The following SLC44A1 variants were observed in gnomAD, a reference collection of about 807,000 sequenced individuals.
SLC44A1 encodes solute carrier family 44 member 1.
SLC44A1 carries 26 observed loss-of-function variants against 79.3 expected under a neutral mutation model. The ratio of observed to expected loss-of-function variants is 0.33; its 90% CI spans 0.24 to 0.46. The LOEUF (loss-of-function observed/expected upper bound fraction) is 0.46, where lower values mean the gene tolerates loss of function less well. Ranked by LOEUF, SLC44A1 falls within the 20% of genes least tolerant of loss-of-function variation. SLC44A1 has a pLI of 1.00. For missense variants in SLC44A1, 688 were observed against 798.1 expected (o/e 0.86, Z 1.66); for synonymous variants, 263 against 286.2 (o/e 0.92, Z 0.82).
intron 15 of SLC44A1, among the ~76,000 whole-genome samples, chr9:105,403,365 G>A (rs1440018151): frequency 6.6e-6 from 1 of 151,836 alleles, no homozygotes; most frequent in Non-Finnish European, 1.5e-5. Flanking sequence ...TCTTAAATTG[G>A]GATTTGGGGA....
chr9:105,321,654 C>G (rs866515266), intron 3 of SLC44A1, among the ~76,000 whole-genome samples: 2 of 151,940 alleles, frequency 1.3e-5, no homozygotes, highest in African/African-American at 2.4e-5. Flanking sequence ...TGAAATGAGG[C>G]GCTTAAATTA....
Position 105,394,971 on chromosome 9 carries a change from G to A in SLC44A1, c.*5915G>A. The A allele has an allele frequency of 1.0e-6, 1 of 985,296 alleles. No individual in the cohort carries two copies. Among genetic ancestry groups the A allele is most frequent in the Non-Finnish European group, 1.2e-6 (1 of 829,876 alleles). 61.0% of individuals were successfully genotyped at this position (985,296 alleles called of 1,614,324 possible). A position where few individuals can be genotyped will look rare whatever the true frequency, so the allele number is the denominator to read the frequency against. ...TCTTCACATCTGCACCTTACTATTA[G>A]GTAAGGGTGCTGCATCTACATGGAA... On this transcript the variant is annotated 3_prime_UTR_variant, in exon 16 of 16. Transcript: ENST00000374720.
chr9:105,351,598 GAAA>G (rs1564452758), intron 5 of SLC44A1, among the ~76,000 whole-genome samples: 98 of 90,776 alleles, frequency 1.1e-3, no homozygotes, highest in Non-Finnish European at 1.1e-3. Context: ...GAGAGAAAGA[GAAA>G]GAAAGAAAGA....
chr9:105,352,870 TG>T (rs1184177703), intron 5 of SLC44A1, among the ~76,000 whole-genome samples: 1 of 152,170 alleles, frequency 6.6e-6, no homozygotes, highest in Non-Finnish European at 1.5e-5. Context: ...AGAAAACAAT[TG>T]AAGTATCAAA....
In SLC44A1 at chr9:105,389,909, G is replaced by A. The variant is rs201561091; in HGVS notation, c.*853G>A. ...TTCTGTGTATTGATTTGCAGATTAAGTAATGCTGGGAGGAATAAAGAAGGG... is the reference window on the plus strand; with the variant it reads ...TTCTGTGTATTGATTTGCAGATTAAATAATGCTGGGAGGAATAAAGAAGGG... On this transcript the variant is annotated 3_prime_UTR_variant, in exon 16 of 16. Coordinates refer to ENST00000374720, the MANE Select transcript of SLC44A1 (RefSeq NM_080546.5). 1 of 1,522,120 alleles carries A rather than the reference G, an allele frequency of 6.6e-7. No individual in the cohort carries two copies. The highest frequency in any genetic ancestry group is 8.8e-7 in the Non-Finnish European group (1 of 1,136,006). The allele number at this position is 1,522,120 out of a possible 1,614,324, so 94.3% of individuals were successfully genotyped here.
intron 6 of SLC44A1, 22 bp from the exon 7 acceptor site, chr9:105,358,322 A>G (rs763506100): frequency 1.6e-6 from 2 of 1,268,172 alleles, no homozygotes; most frequent in East Asian, 2.3e-5. Context: ...AATATTCTAT[A>G]TGTTCTCTAT....
At chr9:105,408,024 G>T (rs543094088) in intron 15 of SLC44A1, among the ~76,000 whole-genome samples, 5 of 151,778 alleles carry the variant, frequency 3.3e-5, no homozygotes, top group Non-Finnish European at 7.4e-5. Context: ...AAAATTAGCT[G>T]GCATAGTGGT....
At chr9:105,377,303 G>A (rs1190898137) in intron 13 of SLC44A1, among the ~76,000 whole-genome samples, 1 of 152,068 alleles carries the variant, frequency 6.6e-6, no homozygotes, top group East Asian at 1.9e-4. Flanking sequence ...GTTTAAAAAT[G>A]TTTATAAGAA....
At chr9:105,382,178 C>T (rs1828486855) in intron 13 of SLC44A1, among the ~76,000 whole-genome samples, 1 of 151,964 alleles carries the variant, frequency 6.6e-6, no homozygotes, top group Non-Finnish European at 1.5e-5. Flanking sequence ...TGGATCTACT[C>T]TTTTTTTTCT....
intron 12 of SLC44A1, among the ~76,000 whole-genome samples, chr9:105,369,902 G>A (rs1332237981): frequency 6.6e-6 from 1 of 152,162 alleles, no homozygotes; most frequent in Non-Finnish European, 1.5e-5. Context: ...TCACACAAAA[G>A]TACAACCAGG....
chr9:105,388,796 A>T (rs942926811), intron 15 of SLC44A1, among the ~76,000 whole-genome samples: 1 of 152,192 alleles, frequency 6.6e-6, no homozygotes, highest in East Asian at 1.9e-4. Flanking sequence ...AAAATCCTAG[A>T]CACTGTAGGA....
intron 10 of SLC44A1, 70 bp downstream of exon 10, chr9:105,364,790 G>C: frequency 8.9e-6 from 11 of 1,236,254 alleles, no homozygotes; most frequent in Non-Finnish European, 1.3e-5. Flanking sequence ...GGAGGGGAAG[G>C]GAATCAGACT....
rs1828786090 is a variant in SLC44A1, at chr9:105,392,415, T to C, written c.*3359T>C. 4.1e-6 allele frequency: 4 copies of C among 974,986 alleles called. No individual in the cohort carries two copies. The highest frequency in any genetic ancestry group is 5.2e-4 in the Middle Eastern group (1 of 1,912). The allele number at this position is 974,986 out of a possible 1,614,324, so 60.4% of individuals were successfully genotyped here. On this transcript the variant is annotated 3_prime_UTR_variant, in exon 16 of 16. Transcript: ENST00000374720. Reference sequence around the variant, plus strand: ...TCTCTCTCTCTCTCTTTTTTTTTTTTTTTTTTTTTTTTTTTCCGTGAGGGC... The same window carrying C: ...TCTCTCTCTCTCTCTTTTTTTTTTTCTTTTTTTTTTTTTTTCCGTGAGGGC...
At chr9:105,310,993 A>G (rs2131311511) in intron 3 of SLC44A1, among the ~76,000 whole-genome samples, 1 of 152,306 alleles carries the variant, frequency 6.6e-6, no homozygotes, top group East Asian at 1.9e-4. Context: ...CCAAAGTCAC[A>G]TGTCTGGTGG....
At chr9:105,335,358 G>A (rs1402350815) in intron 3 of SLC44A1, among the ~76,000 whole-genome samples, 1 of 152,088 alleles carries the variant, frequency 6.6e-6, no homozygotes, top group Non-Finnish European at 1.5e-5. Context: ...TAGAAAAATA[G>A]ATCATGAAAA....
intron 1 of SLC44A1, 75 bp from the exon 2 acceptor site, chr9:105,299,145 G>C: frequency 1.0e-6 from 1 of 988,980 alleles, no homozygotes; most frequent in Non-Finnish European, 1.5e-6. Context: ...TCTAGCTATA[G>C]CTGGTGTATT....
intron 12 of SLC44A1, among the ~76,000 whole-genome samples, chr9:105,371,720 C>A (rs1436867857): frequency 0.016 from 1,481 of 93,620 alleles, no homozygotes; most frequent in East Asian, 0.022. Flanking sequence ...CTCCATCTCA[C>A]AAAAAAAAAA....
chr9:105,433,671 T>C (rs1260565869), intron 15 of SLC44A1, among the ~76,000 whole-genome samples: 2 of 151,096 alleles, frequency 1.3e-5, no homozygotes, highest in Non-Finnish European at 2.9e-5. Flanking sequence ...CTCCTAGAAT[T>C]CTCACAACCA....
At chr9:105,358,650 A>G (rs960203142) in intron 7 of SLC44A1, among the ~76,000 whole-genome samples, 3 of 152,076 alleles carry the variant, frequency 2.0e-5, no homozygotes, top group South Asian at 2.1e-4. Context: ...ATGCATATGT[A>G]TATAAACATA....
Sources: allele counts gnomAD v4.1 joint callset (sites outside exome capture counted in the v4.1 genomes callset), GRCh38; gene constraint gnomAD v4.1.1; transcripts MANE v1.5; gene names NCBI Gene and HGNC (gene_info 2026-07-23, HGNC 2026-07-21).